Variants in AGBL1 observed in about 807,000 individuals in gnomAD.
AGBL1 encodes AGBL carboxypeptidase 1.
In AGBL1, 130 loss-of-function variants were observed where a neutral mutation model predicts 118.9. The observed-to-expected ratio is 1.09, with a 90% CI of 0.95 to 1.26. AGBL1 has a LOEUF of 1.26. Ranked by LOEUF, AGBL1 falls within the 50% of genes most tolerant of loss-of-function variation. The probability of loss-of-function intolerance (pLI) is 0.00; values close to 1 mark genes in which losing one functional copy is unlikely to be tolerated. For missense variants in AGBL1, 1,584 were observed against 1,298.1 expected, an observed-to-expected ratio of 1.22 and a Z score of -3.38; for synonymous variants, 555 against 478.9, an observed-to-expected ratio of 1.16 and a Z score of -2.08.
At chr15:86,641,616 A>G (rs1489719445) in intron 21 of AGBL1, among the ~76,000 whole-genome samples, 1 of 152,128 alleles carries the variant, frequency 6.6e-6, no homozygotes, top group Non-Finnish European at 1.5e-5. Flanking sequence ...GACTTTATAT[A>G]AATGCAACCA....
Position 86,385,685 on chromosome 15 carries a change from G to A in AGBL1, c.2375-11681G>A, listed in dbSNP as rs995269325. ...ACACAGAAGATGATATCCAATAAAT[G>A]TTGAATACATGAATGGGCACATAGT... On this transcript the variant is annotated intron_variant, in intron 17 of 22. Coordinates refer to ENST00000614907, the MANE Select transcript of AGBL1 (RefSeq NM_001386094.1). Among the ~76,000 whole-genome samples, 6 of 152,086 alleles carry A rather than the reference G, an allele frequency of 3.9e-5. No homozygotes were observed. The East Asian group carries it at 7.7e-4, about 20-fold the overall frequency.
intron 21 of AGBL1, among the ~76,000 whole-genome samples, chr15:86,595,465 G>C (rs376986220): frequency 1.3e-5 from 2 of 152,064 alleles, no homozygotes; most frequent in Non-Finnish European, 2.9e-5. Flanking sequence ...TGAATTTCTT[G>C]CTCTCTTATA....
intron 22 of AGBL1, among the ~76,000 whole-genome samples, chr15:86,677,775 A>T (rs147526852): frequency 6.6e-6 from 1 of 152,208 alleles, no homozygotes; most frequent in Non-Finnish European, 1.5e-5. Context: ...GGACAACACT[A>T]AAAGAATAAA....
chr15:86,347,196 TAGG>T (rs1365407205), intron 17 of AGBL1, among the ~76,000 whole-genome samples: 6 of 152,232 alleles, frequency 3.9e-5, no homozygotes, highest in Admixed American at 2.6e-4. Flanking sequence ...ATGAATGCCT[TAGG>T]AGAAGTGATC....
At chr15:87,024,178 G>A (rs2081699082) in intron 24 of AGBL1, among the ~76,000 whole-genome samples, 1 of 151,672 alleles carries the variant, frequency 6.6e-6, no homozygotes, top group Non-Finnish European at 1.5e-5. Context: ...AAATATAAAA[G>A]ATAAATGAAA....
intron 22 of AGBL1, among the ~76,000 whole-genome samples, chr15:86,808,557 C>G (rs181834669): frequency 6.6e-6 from 1 of 151,884 alleles, no homozygotes. Context: ...TCCTCTTTAT[C>G]TTTCCTTCCT....
chr15:87,015,781 G>GCTAA (rs1395303732), intron 24 of AGBL1, among the ~76,000 whole-genome samples: 1 of 152,092 alleles, frequency 6.6e-6, no homozygotes, highest in African/African-American at 2.4e-5. Flanking sequence ...TTAAGTCTAA[G>GCTAA]CTAACTTGAA....
At chr15:86,380,387 T>C (rs28756938) in intron 17 of AGBL1, among the ~76,000 whole-genome samples, 17,297 of 151,242 alleles carry the variant, frequency 0.11, 1,446 homozygotes, top group African/African-American at 0.22. Context: ...CGGGTTCAAG[T>C]GATTCTCCTG....
chr15:86,426,322 A>C (rs984085315), intron 18 of AGBL1, among the ~76,000 whole-genome samples: 1 of 152,218 alleles, frequency 6.6e-6, no homozygotes, highest in Non-Finnish European at 1.5e-5. Context: ...TTTGTTACCA[A>C]AGAAAGGTGT....
chr15:86,679,540 C>T (rs1283483557), intron 22 of AGBL1, among the ~76,000 whole-genome samples: 2 of 151,946 alleles, frequency 1.3e-5, no homozygotes, highest in African/African-American at 4.8e-5. Flanking sequence ...ATCAGCTTTG[C>T]TTACTTCTTT....
intron 23 of AGBL1, among the ~76,000 whole-genome samples, chr15:86,943,205 C>T (rs2080776581): frequency 6.6e-6 from 1 of 152,132 alleles, no homozygotes; most frequent in African/African-American, 2.4e-5. Context: ...CCTGTTCTAT[C>T]TTGAAACTAC....
intron 23 of AGBL1, among the ~76,000 whole-genome samples, chr15:86,955,787 T>C (rs775624847): frequency 1.3e-5 from 2 of 152,108 alleles, no homozygotes; most frequent in African/African-American, 4.8e-5. Flanking sequence ...CGATTTTTAG[T>C]ATACTTAAAT....
chr15:86,834,533 T>A (rs1315238593), intron 22 of AGBL1, among the ~76,000 whole-genome samples: 1 of 152,204 alleles, frequency 6.6e-6, no homozygotes, highest in Non-Finnish European at 1.5e-5. Context: ...AAAATAGAAG[T>A]ACCTCTGTAT....
chr15:86,113,322 C>A, intron 1 of AGBL1, among the ~76,000 whole-genome samples: 1 of 113,028 alleles, frequency 8.8e-6, no homozygotes, highest in Admixed American at 1.1e-4. Context: ...GAGTCTTACT[C>A]TGTTGCCCAG....
chr15:86,559,922 T>A (rs2083790434), intron 21 of AGBL1, among the ~76,000 whole-genome samples: 1 of 152,174 alleles, frequency 6.6e-6, no homozygotes, highest in South Asian at 2.1e-4. Context: ...TAAGCAGATC[T>A]GCAGCAACAG....
intron 22 of AGBL1, among the ~76,000 whole-genome samples, chr15:86,680,515 T>C (rs1312804535): frequency 1.3e-5 from 2 of 151,654 alleles, no homozygotes; most frequent in South Asian, 4.2e-4. Flanking sequence ...TTTCTTTGTA[T>C]GCACCCTGTT....
intron 24 of AGBL1, among the ~76,000 whole-genome samples, chr15:87,018,241 A>C (rs1315303387): frequency 6.6e-6 from 1 of 152,152 alleles, no homozygotes; most frequent in Non-Finnish European, 1.5e-5. Context: ...ACAGGCCAAC[A>C]TTCAAATTCT....
At chr15:86,793,348 A>G (rs985401939) in intron 22 of AGBL1, among the ~76,000 whole-genome samples, 5 of 152,234 alleles carry the variant, frequency 3.3e-5, no homozygotes, top group Non-Finnish European at 5.9e-5. Flanking sequence ...TCTATGGTCA[A>G]TTGATTTTGG....
intron 1 of AGBL1, among the ~76,000 whole-genome samples, chr15:86,129,667 C>A (rs370617996): frequency 6.6e-6 from 1 of 152,018 alleles, no homozygotes; most frequent in Non-Finnish European, 1.5e-5. Context: ...TTGTCTCTAG[C>A]GGGTAGAGAC....
Sources: gnomAD v4.1 joint callset for allele counts (sites outside exome capture counted in the v4.1 genomes callset) on GRCh38, gnomAD v4.1.1 for gene constraint, MANE v1.5 for transcripts, NCBI Gene and HGNC (gene_info 2026-07-23, HGNC 2026-07-21) for gene names.